ZDHHC23: variants seen among roughly 807,000 people sequenced by gnomAD.
The protein encoded by ZDHHC23 is palmitoyltransferase ZDHHC23.
Under a neutral mutation model 40.2 loss-of-function variants are expected in ZDHHC23, and 41 were observed. The ratio of observed to expected loss-of-function variants is 1.02; its 90% CI spans 0.79 to 1.32. ZDHHC23 has a LOEUF of 1.32. ZDHHC23 is among the 40% of genes most tolerant of loss of function. The pLI is 0.00. For synonymous variants in ZDHHC23, 204 were observed against 210.2 expected (o/e 0.97, Z 0.26); for missense variants, 471 against 541.5 (o/e 0.87, Z 1.29).
chr3:113,979,133 G>T, the ZDHHC23 span: 1 of 855,034 alleles, frequency 1.2e-6, no homozygotes, highest in Non-Finnish European at 1.8e-6. Flanking sequence ...TAATCTGAAG[G>T]TACATGCAGC....
the ZDHHC23 span, among the ~76,000 whole-genome samples, chr3:113,977,620 T>C: frequency 6.6e-6 from 1 of 152,148 alleles, no homozygotes; most frequent in Non-Finnish European, 1.5e-5. Flanking sequence ...GGCTGCATAC[T>C]TAGGAGAAAA....
chr3:113,965,658 C>T (rs1046931703), downstream of ZDHHC23, among the ~76,000 whole-genome samples: 6 of 152,130 alleles, frequency 3.9e-5, no homozygotes, highest in Admixed American at 3.9e-4. Context: ...GGTGCAATCT[C>T]GGCTCACTGC....
the ZDHHC23 span, among the ~76,000 whole-genome samples, chr3:113,975,429 C>G: frequency 6.6e-6 from 1 of 152,092 alleles, no homozygotes; most frequent in African/African-American, 2.4e-5. Context: ...GTTAAAGCCC[C>G]TTTTAAAGAC....
At position 113,961,752 on chromosome 3, in the gene ZDHHC23, A is replaced by G. The variant is rs1264081801; in HGVS notation, c.*3122A>G. ...TGCAATAGTCCTTGGTACTTCTAAT[A>G]TTTTTAGCAAGAGACAATTTTCTGT... On this transcript the variant is annotated 3_prime_UTR_variant, in exon 5 of 5. Transcript: ENST00000638807. 1.3e-5 allele frequency: 2 copies of G among 152,656 alleles called. No individual in the cohort carries two copies. Among genetic ancestry groups the G allele is most frequent in the African/African-American group, 4.8e-5 (2 of 41,454 alleles). The allele number at this position is 152,656 out of a possible 1,614,324, so 9.5% of individuals were successfully genotyped here.
At chr3:113,950,795 TCTC>T (rs1938585017) in intron 2 of ZDHHC23, among the ~76,000 whole-genome samples, 1 of 152,116 alleles carries the variant, frequency 6.6e-6, no homozygotes, top group Non-Finnish European at 1.5e-5. Context: ...TGAGACAAGT[TCTC>T]CTCCACATGT....
In ZDHHC23 at chr3:113,959,959, T is replaced by G. The variant is rs1347749869; in HGVS notation, c.*1329T>G. ...TTATGTACAATGGGTTGTTCTACTA[T>G]AGAATTAAGATGAGGGAATTTCAGA... is the stretch of plus-strand genomic sequence containing the variant. On this transcript the variant is annotated 3_prime_UTR_variant, in exon 5 of 5. Transcript: ENST00000638807. 1 of 992,284 alleles carries G rather than the reference T, an allele frequency of 1.0e-6. No individual in the cohort carries two copies. Among genetic ancestry groups the G allele is most frequent in the Non-Finnish European group, 1.2e-6 (1 of 832,754 alleles). 61.5% of individuals were successfully genotyped at this position (992,284 alleles called of 1,614,324 possible).
chr3:113,955,387 T>TGTGTGC (rs926575485), intron 3 of ZDHHC23, among the ~76,000 whole-genome samples: 153 of 143,554 alleles, frequency 1.1e-3, no homozygotes, highest in Middle Eastern at 3.5e-3. Flanking sequence ...TGTGTGTGTG[T>TGTGTGC]GTGTGCGTGT....
At chr3:113,956,225 C>T (rs1939215901) in intron 3 of ZDHHC23, 114 bp from the exon 4 acceptor site, 3 of 1,212,578 alleles carry the variant, frequency 2.5e-6, no homozygotes, top group Non-Finnish European at 2.3e-6. Context: ...TTAGCCTGAA[C>T]TACAGAGCAA....
chr3:113,953,278 T>G (rs934597865), intron 2 of ZDHHC23, among the ~76,000 whole-genome samples: 2 of 152,362 alleles, frequency 1.3e-5, no homozygotes, highest in Admixed American at 1.3e-4. Context: ...CCCAGAAGTA[T>G]TGATGCTAGT....
At chr3:113,973,746 C>T in the ZDHHC23 span, among the ~76,000 whole-genome samples, 1 of 151,846 alleles carries the variant, frequency 6.6e-6, no homozygotes, top group Non-Finnish European at 1.5e-5. Flanking sequence ...CTTTTAGGAT[C>T]CTCTTTGTCC....
At chr3:113,971,153 A>C in the ZDHHC23 span, among the ~76,000 whole-genome samples, 1 of 152,232 alleles carries the variant, frequency 6.6e-6, no homozygotes, top group African/African-American at 2.4e-5. Context: ...TGATTTCCAC[A>C]ATGATTGAAC....
At chr3:113,973,475 T>A in the ZDHHC23 span, among the ~76,000 whole-genome samples, 1 of 152,224 alleles carries the variant, frequency 6.6e-6, no homozygotes, top group Non-Finnish European at 1.5e-5. Context: ...CCTTTAACAT[T>A]TCTTGTAAGA....
the ZDHHC23 span, chr3:113,978,135 T>A: frequency 6.9e-6 from 11 of 1,599,890 alleles, no homozygotes; most frequent in Non-Finnish European, 9.4e-6. Flanking sequence ...AATATATTGC[T>A]GAGCAATTGT....
At chr3:113,971,499 G>A in the ZDHHC23 span, among the ~76,000 whole-genome samples, 1 of 152,274 alleles carries the variant, frequency 6.6e-6, no homozygotes, top group East Asian at 1.9e-4. Context: ...TGCATAAGTT[G>A]AACCATCCTT....
the ZDHHC23 span, among the ~76,000 whole-genome samples, chr3:113,975,336 T>G: frequency 1.3e-5 from 2 of 152,222 alleles, no homozygotes; most frequent in Non-Finnish European, 2.9e-5. Flanking sequence ...ATGTCTCTCC[T>G]TCCTTTCATC....
Position 113,958,806 on chromosome 3 carries a change from CTT to C in ZDHHC23, c.*179_*180del, listed in dbSNP as rs893108595. 5 of 1,476,000 alleles carry C rather than the reference CTT, an allele frequency of 3.4e-6. No individual in the cohort carries two copies. The highest frequency in any genetic ancestry group is 4.5e-6 in the Non-Finnish European group (5 of 1,105,276). 91.4% of individuals were successfully genotyped at this position (1,476,000 alleles called of 1,614,324 possible). ...TTTTCTGACGCCACAACTTAAGAGA[CTT>C]TTATACTGAGGCAGTAAAAGTAGAG... On this transcript the variant is annotated 3_prime_UTR_variant, in exon 5 of 5. Coordinates refer to ENST00000638807, the MANE Select transcript of ZDHHC23 (RefSeq NM_001320466.2).
chr3:113,971,310 T>C, the ZDHHC23 span, among the ~76,000 whole-genome samples: 114 of 152,340 alleles, frequency 7.5e-4, 1 homozygote, highest in African/African-American at 2.6e-3. Context: ...ATTTCTCTGA[T>C]GGCCAGTGAT....
chr3:113,956,247 A>C lies in ZDHHC23; in HGVS notation c.873-92A>C. On this transcript the variant is annotated intron_variant, in intron 3 of 4. Coordinates refer to ENST00000638807, the MANE Select transcript of ZDHHC23 (RefSeq NM_001320466.2). Reference sequence around the variant, plus strand: ...GAACTACAGAGCAAGACTCCGTCTCAAAAAAAATAAAGCTTTCATGTTTAT... The same window carrying C: ...GAACTACAGAGCAAGACTCCGTCTCCAAAAAAATAAAGCTTTCATGTTTAT... 3.0e-6 allele frequency: 4 copies of C among 1,338,308 alleles called. 1 individual carries two copies. The South Asian group carries it at 5.7e-5, about 19-fold the overall frequency. The allele number at this position is 1,338,308 out of a possible 1,614,324, so 82.9% of individuals were successfully genotyped here.
chr3:113,967,871 CAT>C (rs1268798490), downstream of ZDHHC23, among the ~76,000 whole-genome samples: 4 of 152,266 alleles, frequency 2.6e-5, no homozygotes, highest in East Asian at 5.8e-4. Flanking sequence ...AGCTCTCCCA[CAT>C]GAGTAAGAAC....
Sources: gnomAD v4.1 joint callset for allele counts (sites outside exome capture counted in the v4.1 genomes callset) on GRCh38, gnomAD v4.1.1 for gene constraint, MANE v1.5 for transcripts, NCBI Gene and HGNC (gene_info 2026-07-23, HGNC 2026-07-21) for gene names.